Variants in GRIN2A observed in about 807,000 individuals in gnomAD.
GRIN2A encodes the protein glutamate ionotropic receptor NMDA type subunit 2A.
GRIN2A carries 22 observed loss-of-function variants against 113.4 expected under a neutral mutation model. That is an observed-to-expected ratio of 0.19 (90% CI 0.14 to 0.28). The LOEUF (loss-of-function observed/expected upper bound fraction) is 0.28, where lower values mean the gene tolerates loss of function less well. GRIN2A is among the 10% of genes least tolerant of loss of function. GRIN2A has a pLI of 1.00. For synonymous variants in GRIN2A, 827 were observed against 738.4 expected (o/e 1.12, Z -1.94); for missense variants, 1,502 against 1,887.0 (o/e 0.80, Z 3.78).
chr16:9,828,897 T>G (rs1243378223), intron 9 of GRIN2A, among the ~76,000 whole-genome samples: 1 of 152,148 alleles, frequency 6.6e-6, no homozygotes, highest in Non-Finnish European at 1.5e-5. Context: ...TGAAGACATT[T>G]CAGGTGAGTC....
intron 2 of GRIN2A, among the ~76,000 whole-genome samples, chr16:10,101,852 G>A (rs1348648754): frequency 6.6e-6 from 1 of 152,212 alleles, no homozygotes; most frequent in African/African-American, 2.4e-5. Flanking sequence ...CTATAATTTG[G>A]GGGATATTTT....
chr16:10,018,167 C>A (rs564457138), intron 2 of GRIN2A, among the ~76,000 whole-genome samples: 1 of 152,084 alleles, frequency 6.6e-6, no homozygotes, highest in African/African-American at 2.4e-5. Context: ...TAAAAGGAGA[C>A]GTGATCAGAA....
At chr16:9,867,918 C>T (rs2043188946) in intron 4 of GRIN2A, among the ~76,000 whole-genome samples, 1 of 152,096 alleles carries the variant, frequency 6.6e-6, no homozygotes, top group African/African-American at 2.4e-5. Flanking sequence ...TCTCTACTGC[C>T]TCCGAGAAAC....
chr16:9,811,829 T>G (rs2042092196), intron 10 of GRIN2A, among the ~76,000 whole-genome samples: 1 of 152,220 alleles, frequency 6.6e-6, no homozygotes, highest in South Asian at 2.1e-4. Flanking sequence ...GAGTTCCTGC[T>G]TCTTCACAGT....
At position 10,071,252 on chromosome 16, in the gene GRIN2A, C is replaced by T. The variant is rs182370468; in HGVS notation, c.414+108746G>A. 7.9e-5 allele frequency among the ~76,000 whole-genome samples: 12 copies of T among 152,256 alleles called. No homozygotes were observed. In the East Asian group the frequency reaches 1.2e-3, roughly 15 times the overall value. On this transcript the variant is annotated intron_variant, in intron 2 of 12. Transcript: ENST00000330684. ...GCAGACACATATACCTGGAAATATT[C>T]GGAACATTCTATTAGCAGAAATGCA...
chr16:9,907,828 A>G (rs554169324), intron 3 of GRIN2A, among the ~76,000 whole-genome samples: 1 of 152,094 alleles, frequency 6.6e-6, no homozygotes, highest in Admixed American at 6.5e-5. Flanking sequence ...CTGCAGCTCC[A>G]TTTCCACCTT....
chr16:10,023,400 C>T (rs2046761018), intron 2 of GRIN2A, among the ~76,000 whole-genome samples: 1 of 152,116 alleles, frequency 6.6e-6, no homozygotes, highest in Non-Finnish European at 1.5e-5. Context: ...TTTACAATGA[C>T]CCTTCGAAGT....
intron 2 of GRIN2A, among the ~76,000 whole-genome samples, chr16:9,988,211 G>T (rs2141804840): frequency 6.6e-6 from 1 of 152,166 alleles, no homozygotes; most frequent in African/African-American, 2.4e-5. Context: ...AAAAGGAGAT[G>T]TCAAGATGTC....
intron 3 of GRIN2A, among the ~76,000 whole-genome samples, chr16:9,902,404 G>A (rs193066592): frequency 2.0e-4 from 30 of 152,344 alleles, no homozygotes; most frequent in African/African-American, 7.2e-4. Flanking sequence ...CTGGCTGAGG[G>A]TGGCAGAGCC....
In GRIN2A at chr16:10,110,527, T is replaced by C. The variant is rs533245353; in HGVS notation, c.414+69471A>G. 2.6e-4 allele frequency among the ~76,000 whole-genome samples: 39 copies of C among 152,262 alleles called. 1 individual carries two copies. Among genetic ancestry groups the C allele is most frequent in the Middle Eastern group, 3.4e-3 (1 of 294 alleles). ...ACCAATGAGGAAGCTATTGGAGTGA[T>C]CCAGGGGAGTGATGGCGCCAGCCAG... On this transcript the variant is annotated intron_variant, in intron 2 of 12. Transcript: ENST00000330684.
At position 10,176,075 on chromosome 16, in the gene GRIN2A, G is replaced by A. The variant is rs556421389; in HGVS notation, c.414+3923C>T. On this transcript the variant is annotated intron_variant, in intron 2 of 12. Transcript: ENST00000330684. ...GCTAGAGCGCAGTGGCATGATGTTG[G>A]CTTGCTGCAACCTCCACCTCCCAGG... 2.7e-5 allele frequency among the ~76,000 whole-genome samples: 4 copies of A among 149,474 alleles called. No individual in the cohort carries two copies. In the East Asian group the frequency reaches 7.8e-4, roughly 29 times the overall value.
At chr16:10,036,073 C>A (rs2047019640) in intron 2 of GRIN2A, among the ~76,000 whole-genome samples, 2 of 152,196 alleles carry the variant, frequency 1.3e-5, no homozygotes, top group African/African-American at 2.4e-5. Context: ...CTACTGCTTT[C>A]AGGTAAAAAC....
chr16:10,071,061 G>A (rs544306936), intron 2 of GRIN2A, among the ~76,000 whole-genome samples: 11 of 152,230 alleles, frequency 7.2e-5, no homozygotes, highest in East Asian at 5.8e-4. Flanking sequence ...CATGCCATCC[G>A]ATAGGCAGTA....
chr16:10,075,396 T>G (rs899697769), intron 2 of GRIN2A, among the ~76,000 whole-genome samples: 1 of 151,822 alleles, frequency 6.6e-6, no homozygotes, highest in Non-Finnish European at 1.5e-5. Flanking sequence ...AATAGGCAAA[T>G]TTATAGAGAC....
intron 11 of GRIN2A, among the ~76,000 whole-genome samples, chr16:9,789,988 A>G (rs1328048489): frequency 6.6e-6 from 1 of 152,180 alleles, no homozygotes; most frequent in Non-Finnish European, 1.5e-5. Context: ...TGGATATGAA[A>G]CTTGTCTACT....
intron 2 of GRIN2A, among the ~76,000 whole-genome samples, chr16:9,990,786 G>A (rs2046096338): frequency 6.6e-6 from 1 of 152,078 alleles, no homozygotes; most frequent in African/African-American, 2.4e-5. Flanking sequence ...AATAACTTGG[G>A]CTAGGTGCGG....
At chr16:9,962,822 G>A (rs573449711) in intron 2 of GRIN2A, among the ~76,000 whole-genome samples, 9 of 152,164 alleles carry the variant, frequency 5.9e-5, no homozygotes, top group Admixed American at 2.0e-4. Flanking sequence ...ACATACACAC[G>A]TATGTTTACT....
At chr16:9,870,244 C>T (rs2141423214) in intron 4 of GRIN2A, among the ~76,000 whole-genome samples, 1 of 152,318 alleles carries the variant, frequency 6.6e-6, no homozygotes. Flanking sequence ...ACGATTAATG[C>T]ATGCCATTAA....
chr16:10,089,997 A>G (rs1289037204), intron 2 of GRIN2A, among the ~76,000 whole-genome samples: 1 of 152,184 alleles, frequency 6.6e-6, no homozygotes, highest in African/African-American at 2.4e-5. Context: ...ATCCCAAGAC[A>G]TAGATGATAC....
Sources: allele counts gnomAD v4.1 joint callset (sites outside exome capture counted in the v4.1 genomes callset), GRCh38; gene constraint gnomAD v4.1.1; transcripts MANE v1.5; gene names NCBI Gene and HGNC (gene_info 2026-07-23, HGNC 2026-07-21).